PCDHGB3: variants seen among roughly 807,000 people sequenced by gnomAD.
PCDHGB3 encodes the protein protocadherin gamma subfamily B, 3.
PCDHGB3 carries 40 observed loss-of-function variants against 59.2 expected under a neutral mutation model. The observed-to-expected ratio is 0.68, with a 90% CI of 0.52 to 0.88. The LOEUF is 0.88. Among genes scored for constraint, PCDHGB3 ranks in the 40% least tolerant of loss-of-function variants. PCDHGB3 has a pLI of 0.00. For synonymous variants in PCDHGB3, 581 were observed against 503.6 expected, an observed-to-expected ratio of 1.15 and a Z score of -2.06; for missense variants, 1,309 against 1,187.9, an observed-to-expected ratio of 1.10 and a Z score of -1.50.
At chr5:141,397,361 G>A (rs2093513931) in intron 1 of PCDHGB3, among the ~76,000 whole-genome samples, 1 of 152,164 alleles carries the variant, frequency 6.6e-6, no homozygotes. Flanking sequence ...TCAGGAAGAG[G>A]AGATGTTTGG....
At chr5:141,376,670 G>A in intron 1 of PCDHGB3, 1 of 694,802 alleles carries the variant, frequency 1.4e-6, no homozygotes, top group Non-Finnish European at 2.2e-6. Context: ...TTCAGGTGAG[G>A]GTATCGTTTT....
At chr5:141,395,815 A>T (rs1243382510) in intron 1 of PCDHGB3, 1 of 152,044 alleles carries the variant, frequency 6.6e-6, no homozygotes, top group Non-Finnish European at 1.5e-5. Context: ...AAACATGAAC[A>T]AACTTTAAAG....
chr5:141,393,922 G>C (rs750880965), intron 1 of PCDHGB3: 16 of 1,613,832 alleles, frequency 9.9e-6, no homozygotes, highest in Middle Eastern at 1.6e-4. Context: ...GCCTTCTTGA[G>C]TGTGCATGAC....
chr5:141,391,756 TAGTA>T (rs1440223357), intron 1 of PCDHGB3: 2 of 152,192 alleles, frequency 1.3e-5, no homozygotes, highest in African/African-American at 2.4e-5. Flanking sequence ...TTTGGCTTCT[TAGTA>T]AGTATTATAT....
chr5:141,393,113 G>T (rs1296597974), intron 1 of PCDHGB3: 1 of 1,613,500 alleles, frequency 6.2e-7, no homozygotes. Context: ...CTCAGAGCCC[G>T]CGGTGTCTGA....
chr5:141,379,173 A>G (rs556120661), intron 1 of PCDHGB3: 5 of 152,374 alleles, frequency 3.3e-5, no homozygotes, highest in Non-Finnish European at 1.5e-5. Context: ...CTTCTTAAAG[A>G]TAACATTGAG....
At chr5:141,403,276 C>G in intron 1 of PCDHGB3, 7 of 1,613,844 alleles carry the variant, frequency 4.3e-6, no homozygotes, top group Non-Finnish European at 5.1e-6. Context: ...ACTTTAAAGT[C>G]CTGGTTGAAG....
At chr5:141,471,361 CT>C (rs2099255928) in intron 1 of PCDHGB3, 1 of 151,976 alleles carries the variant, frequency 6.6e-6, no homozygotes, top group Non-Finnish European at 1.5e-5. Flanking sequence ...TCCAAGCCCC[CT>C]ATTTTTATTT....
intron 1 of PCDHGB3, among the ~76,000 whole-genome samples, chr5:141,437,026 A>G (rs1398960659): frequency 6.6e-6 from 1 of 152,258 alleles, no homozygotes; most frequent in Non-Finnish European, 1.5e-5. Context: ...TCACCAGAAA[A>G]TGGATCACCG....
At chr5:141,405,334 T>C in intron 1 of PCDHGB3, 1 of 1,614,196 alleles carries the variant, frequency 6.2e-7, no homozygotes. Flanking sequence ...TGTGCGTCTC[T>C]GTTGATTCCA....
At chr5:141,408,618 A>C (rs1264915663) in intron 1 of PCDHGB3, 1 of 1,614,024 alleles carries the variant, frequency 6.2e-7, no homozygotes, top group Admixed American at 1.7e-5. Flanking sequence ...AAGGAAATAC[A>C]TTTAGAAATT....
intron 1 of PCDHGB3, chr5:141,410,748 C>T (rs569108587): frequency 8.8e-6 from 11 of 1,245,288 alleles, no homozygotes; most frequent in Admixed American, 5.8e-5. Flanking sequence ...AATATTTTCT[C>T]AATGTTTTTT....
intron 1 of PCDHGB3, chr5:141,414,723 C>T (rs775890033): frequency 1.9e-6 from 3 of 1,614,170 alleles, no homozygotes. Context: ...CAGACACTGG[C>T]GTCCTGTATG....
chr5:141,413,288 C>T (rs2095623576), intron 1 of PCDHGB3: 2 of 1,613,950 alleles, frequency 1.2e-6, no homozygotes, highest in East Asian at 4.5e-5. Flanking sequence ...ATCTCCTACT[C>T]AATTCCTGAG....
chr5:141,443,308 C>T (rs1484035480), intron 1 of PCDHGB3, among the ~76,000 whole-genome samples: 7 of 136,252 alleles, frequency 5.1e-5, no homozygotes, highest in African/African-American at 2.2e-4. Context: ...TGGCAAAAAC[C>T]CATCTCTACA....
At chr5:141,421,156 C>T in intron 1 of PCDHGB3, 1 of 1,197,694 alleles carries the variant, frequency 8.3e-7, no homozygotes, top group Non-Finnish European at 1.1e-6. Flanking sequence ...CGGCCTAGGA[C>T]TTCATAGATA....
chr5:141,415,134 C>T (rs760482028), intron 1 of PCDHGB3: 10 of 1,613,552 alleles, frequency 6.2e-6, no homozygotes, highest in South Asian at 3.3e-5. Context: ...TCCAGGACCA[C>T]GGCCAGCCCC....
At chr5:141,456,635 A>G (rs558958846) in intron 1 of PCDHGB3, among the ~76,000 whole-genome samples, 17 of 152,194 alleles carry the variant, frequency 1.1e-4, no homozygotes, top group Non-Finnish European at 2.2e-4. Context: ...CTTCTTTACT[A>G]CAGGTGTTAA....
intron 1 of PCDHGB3, chr5:141,395,555 TGTGTG>T: frequency 9.9e-6 from 1 of 101,256 alleles, no homozygotes; most frequent in Non-Finnish European, 1.7e-5. Context: ...TGTGTGTGTG[TGTGTG>T]TGTGTGTGTG....
Sources: gnomAD v4.1 joint callset for allele counts (sites outside exome capture counted in the v4.1 genomes callset) on GRCh38, gnomAD v4.1.1 for gene constraint, MANE v1.5 for transcripts, NCBI Gene and HGNC (gene_info 2026-07-23, HGNC 2026-07-21) for gene names.